The following HS3ST5 variants were observed in gnomAD, a reference collection of about 807,000 sequenced individuals.
HS3ST5 encodes heparan sulfate glucosamine 3-O-sulfotransferase 5.
HS3ST5 carries 10 observed loss-of-function variants against 25.4 expected under a neutral mutation model. That is an observed-to-expected ratio of 0.39 (90% CI 0.24 to 0.67). HS3ST5 has a LOEUF of 0.67. HS3ST5 is among the 30% of genes least tolerant of loss of function. The pLI is 0.44. For synonymous variants in HS3ST5, 170 were observed against 162.4 expected (o/e 1.05, Z -0.36); for missense variants, 324 against 420.7 (o/e 0.77, Z 2.01).
chr6:114,109,104 A>G (rs1019201198), intron 3 of HS3ST5, among the ~76,000 whole-genome samples: 1 of 152,122 alleles, frequency 6.6e-6, no homozygotes, highest in African/African-American at 2.4e-5. Context: ...TCAAGGCTGC[A>G]GTGACCTGTG....
At chr6:114,091,248 A>G (rs896038000) in intron 3 of HS3ST5, among the ~76,000 whole-genome samples, 5 of 152,198 alleles carry the variant, frequency 3.3e-5, no homozygotes, top group African/African-American at 1.2e-4. Flanking sequence ...TAATTTTGAA[A>G]TAAGTTTGTG....
chr6:114,166,819 T>C (rs1779236895), intron 3 of HS3ST5, among the ~76,000 whole-genome samples: 1 of 152,204 alleles, frequency 6.6e-6, no homozygotes, highest in Admixed American at 6.6e-5. Flanking sequence ...CATTTTAGCC[T>C]CTGAGTCAGA....
chr6:114,297,600 C>T (rs1774883802), intron 1 of HS3ST5, among the ~76,000 whole-genome samples: 1 of 152,172 alleles, frequency 6.6e-6, no homozygotes, highest in African/African-American at 2.4e-5. Flanking sequence ...GGCCTTTCTC[C>T]TGTGGCTCTA....
At chr6:114,207,416 CA>C in intron 2 of HS3ST5, among the ~76,000 whole-genome samples, 1 of 152,078 alleles carries the variant, frequency 6.6e-6, no homozygotes, top group Admixed American at 6.5e-5. Context: ...GATATTGAAA[CA>C]AAAAACAATA....
At chr6:114,170,423 C>T (rs1779424958) in intron 2 of HS3ST5, among the ~76,000 whole-genome samples, 1 of 151,972 alleles carries the variant, frequency 6.6e-6, no homozygotes, top group Non-Finnish European at 1.5e-5. Context: ...GGAGTCTCCT[C>T]TATAAAAAGG....
intron 3 of HS3ST5, among the ~76,000 whole-genome samples, chr6:114,103,997 G>A (rs772072614): frequency 2.6e-5 from 4 of 151,470 alleles, no homozygotes; most frequent in African/African-American, 7.3e-5. Flanking sequence ...CACTGTGCCC[G>A]GCCTATTGTT....
chr6:114,314,340 C>G (rs1166704756), intron 1 of HS3ST5, among the ~76,000 whole-genome samples: 1 of 152,162 alleles, frequency 6.6e-6, no homozygotes, highest in Admixed American at 6.5e-5. Flanking sequence ...ACTTTAACAA[C>G]CACTACTTTA....
At chr6:114,088,635 A>G (rs1373636356) in intron 3 of HS3ST5, among the ~76,000 whole-genome samples, 2 of 152,202 alleles carry the variant, frequency 1.3e-5, no homozygotes, top group Non-Finnish European at 2.9e-5. Flanking sequence ...CAAATAGCAC[A>G]GTGACTTCCC....
chr6:114,094,400 T>TATGGAG, intron 3 of HS3ST5, among the ~76,000 whole-genome samples: 1 of 152,232 alleles, frequency 6.6e-6, no homozygotes, highest in South Asian at 2.1e-4. Context: ...GAGTTTGCTC[T>TATGGAG]TTGATAGTTT....
chr6:114,198,643 T>TAA (rs149272560), intron 2 of HS3ST5, among the ~76,000 whole-genome samples: 37 of 152,334 alleles, frequency 2.4e-4, no homozygotes, highest in Non-Finnish European at 5.3e-4. Flanking sequence ...GAAAACTCTG[T>TAA]AAATTCACAA....
chr6:114,296,270 G>A (rs572053647), intron 1 of HS3ST5, among the ~76,000 whole-genome samples: 11 of 152,118 alleles, frequency 7.2e-5, no homozygotes, highest in Admixed American at 2.0e-4. Flanking sequence ...AGAATGCCAC[G>A]TCATAGAAGT....
rs1451946294 is a variant in HS3ST5 at position 114,057,241 on chromosome 6, T to G, written c.*16A>C. The G allele has an allele frequency of 6.4e-7, 1 of 1,563,460 alleles. No homozygotes were observed. Among genetic ancestry groups the G allele is most frequent in the Non-Finnish European group, 8.8e-7 (1 of 1,137,004 alleles). On this transcript the variant is annotated 3_prime_UTR_variant, in exon 5 of 5. Transcript: ENST00000312719. ...TGTCTCCAGGCACAACACATAGTGT[T>G]GTATGACATATTATTTTAGGGCCAG...
chr6:114,182,513 TAA>T (rs1780021190), intron 2 of HS3ST5, among the ~76,000 whole-genome samples: 1 of 152,108 alleles, frequency 6.6e-6, no homozygotes, highest in African/African-American at 2.4e-5. Context: ...TCCTGGAGGC[TAA>T]GTTTTCCTGT....
intron 2 of HS3ST5, among the ~76,000 whole-genome samples, chr6:114,206,046 C>A (rs1781264821): frequency 6.6e-6 from 1 of 152,176 alleles, no homozygotes; most frequent in Admixed American, 6.5e-5. Context: ...ATTTCTATTC[C>A]ATTTTTCTAG....
chr6:114,209,336 T>G (rs1781411068), intron 2 of HS3ST5, among the ~76,000 whole-genome samples: 1 of 151,980 alleles, frequency 6.6e-6, no homozygotes, highest in African/African-American at 2.4e-5. Flanking sequence ...TTTTTATTAC[T>G]GAAAAAAAAA....
At chr6:114,298,971 A>G (rs967747478) in intron 1 of HS3ST5, among the ~76,000 whole-genome samples, 4 of 152,226 alleles carry the variant, frequency 2.6e-5, no homozygotes, top group African/African-American at 9.6e-5. Context: ...CACCTTAAAA[A>G]AAGAACAGGA....
intron 3 of HS3ST5, chr6:114,167,551 G>C (rs1002155743): frequency 6.6e-6 from 1 of 152,118 alleles, no homozygotes; most frequent in Non-Finnish European, 1.5e-5. Context: ...CACCCAGCTA[G>C]TAATTGGCTG....
At chr6:114,175,796 A>G (rs926001269) in intron 2 of HS3ST5, among the ~76,000 whole-genome samples, 1 of 152,246 alleles carries the variant, frequency 6.6e-6, no homozygotes, top group African/African-American at 2.4e-5. Flanking sequence ...TGTTATTCCC[A>G]CATAAATTAC....
At chr6:114,167,866 G>A (rs867678349) in intron 3 of HS3ST5, among the ~76,000 whole-genome samples, 1 of 152,154 alleles carries the variant, frequency 6.6e-6, no homozygotes, top group Admixed American at 6.6e-5. Flanking sequence ...GAGGAAATCG[G>A]CAAGATTGTT....
Sources: allele counts gnomAD v4.1 joint callset (sites outside exome capture counted in the v4.1 genomes callset), GRCh38; gene constraint gnomAD v4.1.1; transcripts MANE v1.5; gene names NCBI Gene and HGNC (gene_info 2026-07-23, HGNC 2026-07-21).